KHDRBS3: variants seen among roughly 807,000 people sequenced by gnomAD.
KHDRBS3 encodes KH RNA binding domain containing, signal transduction associated 3.
Under a neutral mutation model 45.6 loss-of-function variants are expected in KHDRBS3, and 23 were observed. The observed-to-expected ratio is 0.50, with a 90% confidence interval of 0.36 to 0.72. The LOEUF is 0.72. KHDRBS3 is among the 30% of genes least tolerant of loss of function. The pLI, the probability that KHDRBS3 is intolerant of heterozygous loss-of-function variation, is 0.00. For synonymous variants in KHDRBS3, 162 were observed against 156.5 expected, an observed-to-expected ratio of 1.04 and a Z score of -0.26; for missense variants, 352 against 424.8, an observed-to-expected ratio of 0.83 and a Z score of 1.51.
At chr8:135,623,766 G>A (rs988947017) in intron 7 of KHDRBS3, among the ~76,000 whole-genome samples, 29 of 152,092 alleles carry the variant, frequency 1.9e-4, no homozygotes, top group African/African-American at 6.3e-4. Context: ...ACAGTTTTTG[G>A]CATTGTTAAT....
chr8:135,485,915 C>T (rs1313666841), intron 1 of KHDRBS3, among the ~76,000 whole-genome samples: 1 of 146,390 alleles, frequency 6.8e-6, no homozygotes, highest in East Asian at 2.0e-4. Context: ...AAAGATACAC[C>T]AGGCAAGAAT....
intron 1 of KHDRBS3, among the ~76,000 whole-genome samples, chr8:135,502,992 C>T (rs888381808): frequency 6.6e-6 from 1 of 152,274 alleles, no homozygotes; most frequent in Admixed American, 6.5e-5. Flanking sequence ...GCTCACTAGC[C>T]ACGCATGTGG....
At chr8:135,603,392 C>A (rs777108892) in intron 6 of KHDRBS3, among the ~76,000 whole-genome samples, 1 of 152,198 alleles carries the variant, frequency 6.6e-6, no homozygotes, top group African/African-American at 2.4e-5. Flanking sequence ...TTGCTACTTA[C>A]CTGATAACCA....
At chr8:135,575,337 C>T (rs1216384870) in intron 5 of KHDRBS3, among the ~76,000 whole-genome samples, 5 of 152,218 alleles carry the variant, frequency 3.3e-5, no homozygotes, top group Non-Finnish European at 7.3e-5. Flanking sequence ...CCTTCCCCAG[C>T]TCCATAGAGC....
chr8:135,544,983 T>A (rs1421828602), intron 3 of KHDRBS3, among the ~76,000 whole-genome samples: 1 of 152,006 alleles, frequency 6.6e-6, no homozygotes, highest in Non-Finnish European at 1.5e-5. Flanking sequence ...TAGGTCAGAA[T>A]CAGTTCTGTT....
chr8:135,583,532 A>C (rs1828316858), intron 6 of KHDRBS3, among the ~76,000 whole-genome samples: 1 of 152,162 alleles, frequency 6.6e-6, no homozygotes, highest in Non-Finnish European at 1.5e-5. Flanking sequence ...TTGATTTCTT[A>C]GGTTTAGATT....
intron 1 of KHDRBS3, among the ~76,000 whole-genome samples, chr8:135,479,881 C>G (rs1822478251): frequency 6.6e-6 from 1 of 152,124 alleles, no homozygotes; most frequent in Non-Finnish European, 1.5e-5. Context: ...ATCAGTATCT[C>G]TTATGAATTT....
chr8:135,632,389 G>A (rs908498239), intron 7 of KHDRBS3, among the ~76,000 whole-genome samples: 3 of 151,736 alleles, frequency 2.0e-5, no homozygotes, highest in African/African-American at 4.8e-5. Flanking sequence ...TGGAGTCAAG[G>A]GGGCTCACTC....
Position 135,564,064 on chromosome 8 carries a change from G to A in KHDRBS3, c.611+6477G>A, listed in dbSNP as rs376240808. ...CCAGGGTCATTTATCAGTTTTCATC[G>A]AATCAGGGAAATTTTCAGCTACTGT... On this transcript the variant is annotated intron_variant, in intron 5 of 8. Coordinates refer to ENST00000355849, the MANE Select transcript of KHDRBS3 (RefSeq NM_006558.3). Among the ~76,000 whole-genome samples, 13 of 152,216 alleles carry A rather than the reference G, an allele frequency of 8.5e-5. No homozygotes were observed. In the East Asian group the frequency reaches 1.9e-3, roughly 23 times the overall value.
chr8:135,561,024 T>A (rs1392757296), intron 5 of KHDRBS3, among the ~76,000 whole-genome samples: 2 of 152,214 alleles, frequency 1.3e-5, no homozygotes, highest in Non-Finnish European at 2.9e-5. Flanking sequence ...TTTATATTCA[T>A]ACGGCAGGAA....
intron 1 of KHDRBS3, among the ~76,000 whole-genome samples, chr8:135,518,763 G>A (rs1824754912): frequency 8.8e-6 from 1 of 113,290 alleles, no homozygotes; most frequent in South Asian, 3.3e-4. Context: ...TACCATTGGT[G>A]CTACAATTTT....
At chr8:135,533,855 A>G (rs1825601248) in intron 2 of KHDRBS3, among the ~76,000 whole-genome samples, 2 of 152,214 alleles carry the variant, frequency 1.3e-5, no homozygotes, top group African/African-American at 4.8e-5. Flanking sequence ...AACACTCAAC[A>G]TTAGCCTATA....
chr8:135,596,229 T>C (rs1828967836), intron 6 of KHDRBS3, among the ~76,000 whole-genome samples: 1 of 152,206 alleles, frequency 6.6e-6, no homozygotes, highest in African/African-American at 2.4e-5. Context: ...CAGGTTTCAT[T>C]CTCTGGTGGA....
intron 5 of KHDRBS3, among the ~76,000 whole-genome samples, chr8:135,568,494 A>G (rs1439188501): frequency 2.6e-5 from 4 of 152,218 alleles, no homozygotes; most frequent in African/African-American, 9.6e-5. Flanking sequence ...CTGGAGGAGA[A>G]AAAGTGATGG....
intron 1 of KHDRBS3, among the ~76,000 whole-genome samples, chr8:135,513,247 G>C (rs942722667): frequency 6.6e-6 from 1 of 151,962 alleles, no homozygotes; most frequent in Admixed American, 6.6e-5. Context: ...TTTCTAGGTT[G>C]CTCAAGAGAT....
intron 1 of KHDRBS3, among the ~76,000 whole-genome samples, chr8:135,485,168 A>G (rs1363890063): frequency 6.8e-6 from 1 of 146,268 alleles, no homozygotes; most frequent in Non-Finnish European, 1.5e-5. Flanking sequence ...TGTCCCCACT[A>G]CAATATCAAC....
At chr8:135,469,636 C>G (rs1015429827) in intron 1 of KHDRBS3, among the ~76,000 whole-genome samples, 1 of 150,494 alleles carries the variant, frequency 6.6e-6, no homozygotes, top group Non-Finnish European at 1.5e-5. Context: ...TCAAGCAATT[C>G]TCCCGCCTCA....
At chr8:135,458,953 C>G (rs1168691828) in intron 1 of KHDRBS3, 1 of 456,094 alleles carries the variant, frequency 2.2e-6, no homozygotes, top group African/African-American at 2.0e-5. Flanking sequence ...CCTACTTTTC[C>G]TGGAATATGT....
chr8:135,614,104 G>A (rs1412038773), intron 7 of KHDRBS3, among the ~76,000 whole-genome samples: 4 of 151,762 alleles, frequency 2.6e-5, no homozygotes, highest in East Asian at 1.9e-4. Flanking sequence ...CAAAAGTATC[G>A]TTTATCTAAC....
Sources: gnomAD v4.1 joint callset for allele counts (sites outside exome capture counted in the v4.1 genomes callset) on GRCh38, gnomAD v4.1.1 for gene constraint, MANE v1.5 for transcripts, NCBI Gene and HGNC (gene_info 2026-07-23, HGNC 2026-07-21) for gene names.